The following BUB3 variants were observed in gnomAD, a reference collection of about 807,000 sequenced individuals.
BUB3 encodes the protein mitotic checkpoint protein BUB3.
Under a neutral mutation model 39.9 loss-of-function variants are expected in BUB3, and 22 were observed. The observed-to-expected ratio is 0.55, with a 90% CI of 0.39 to 0.79. The LOEUF (loss-of-function observed/expected upper bound fraction) is 0.79. Among genes scored for constraint, BUB3 ranks in the 30% least tolerant of loss-of-function variants. The pLI, the probability that BUB3 is intolerant of heterozygous loss-of-function variation, is 0.00. For missense variants in BUB3, 303 were observed against 415.4 expected (o/e 0.73, Z 2.35); for synonymous variants, 168 against 155.1 (o/e 1.08, Z -0.62).
chr10:123,155,537 C>G (rs1045866123), intron 2 of BUB3, 121 bp from the exon 3 acceptor site: 1 of 905,528 alleles, frequency 1.1e-6, no homozygotes, highest in Non-Finnish European at 1.7e-6. Context: ...GGTTTGTTTA[C>G]CATGAATAGT....
intron 7 of BUB3, chr10:123,163,264 T>C (rs1844448531): frequency 5.9e-6 from 1 of 169,510 alleles, no homozygotes; most frequent in Non-Finnish European, 1.2e-5. Context: ...CAGGTCTTAT[T>C]GGAAACTCAG....
Position 123,165,195 on chromosome 10 carries a change from A to C in BUB3, c.*1360A>C. 1 of 1,012,412 alleles carries C rather than the reference A, an allele frequency of 9.9e-7. No individual in the cohort carries two copies. Among genetic ancestry groups the C allele is most frequent in the South Asian group, 1.4e-5 (1 of 69,894 alleles). The allele number at this position is 1,012,412 out of a possible 1,614,324, so 62.7% of individuals were successfully genotyped here. ...ACAAGAAACTTGTCTATGTACCTTA[A>C]TACTTTGTTTAGGATGAGGAGTCTT... On this transcript the variant is annotated 3_prime_UTR_variant, in exon 8 of 8. Transcript: ENST00000368865.
chr10:123,155,893 T>G (rs1415888785), intron 3 of BUB3, among the ~76,000 whole-genome samples, 166 bp downstream of exon 3: 2 of 152,262 alleles, frequency 1.3e-5, no homozygotes, highest in African/African-American at 2.4e-5. Context: ...ATTAAGTTAC[T>G]GATTACAGAA....
At chr10:123,161,341 G>A (rs918593268) in intron 5 of BUB3, among the ~76,000 whole-genome samples, 6 of 152,162 alleles carry the variant, frequency 3.9e-5, no homozygotes, top group African/African-American at 1.2e-4. Context: ...AACCTGCAAA[G>A]GCCAGTACCT....
intron 7 of BUB3, chr10:123,163,195 A>G (rs1165632292): frequency 4.6e-6 from 1 of 216,288 alleles, no homozygotes; most frequent in African/African-American, 2.4e-5. Flanking sequence ...TGAACTGCCA[A>G]AAATCTTTCC....
At chr10:123,154,745 T>C in intron 1 of BUB3, 173 bp from the exon 2 acceptor site, 2 of 674,474 alleles carry the variant, frequency 3.0e-6, no homozygotes, top group Non-Finnish European at 4.7e-6. Flanking sequence ...GGGGGCCGGA[T>C]GATGGGGCGA....
At position 123,163,967 on chromosome 10, in the gene BUB3, G is replaced by A. The variant is rs1000612064; in HGVS notation, c.*132G>A. The A allele has an allele frequency of 9.8e-6, 13 of 1,320,170 alleles. No individual in the cohort carries two copies. In the African/African-American group the frequency reaches 2.0e-4, roughly 20 times the overall value. The allele number at this position is 1,320,170 out of a possible 1,614,324, so 81.8% of individuals were successfully genotyped here. A position where few individuals can be genotyped will look rare whatever the true frequency, so the allele number is the denominator to read the frequency against. ...ATATTATAACAACCTGAAAATAATG[G>A]AAAAGAGGTTTTTGAATTTTTTTTT... On this transcript the variant is annotated 3_prime_UTR_variant, in exon 8 of 8. Coordinates refer to ENST00000368865, the MANE Select transcript of BUB3 (RefSeq NM_004725.4).
Position 123,165,128 on chromosome 10 carries a change from G to C in BUB3, c.*1293G>C, listed in dbSNP as rs1844473310. 6.6e-7 allele frequency: 1 copy of C among 1,514,834 alleles called. No homozygotes were observed. The highest frequency in any genetic ancestry group is 9.1e-7 in the Non-Finnish European group (1 of 1,095,086). 93.8% of individuals were successfully genotyped at this position (1,514,834 alleles called of 1,614,324 possible). A position where few individuals can be genotyped will look rare whatever the true frequency, so the allele number is the denominator to read the frequency against. On this transcript the variant is annotated 3_prime_UTR_variant, in exon 8 of 8. Transcript: ENST00000368865. ...TACAAATACATGCTTATTCCTTAAG[G>C]GATGTGTTAGAGTTACTGTGGATTT...
rs1176085701 is a variant in BUB3 at position 123,168,454 on chromosome 10, G to A, written c.*4619G>A. On this transcript the variant is annotated 3_prime_UTR_variant, in exon 8 of 8. Transcript: ENST00000368865. Reference sequence around the variant, plus strand: ...AGAAGTCATCCTCTAGAGCAAGCTTGTCCAATTTGTTGTCCATGGGCCACA... The same window carrying A: ...AGAAGTCATCCTCTAGAGCAAGCTTATCCAATTTGTTGTCCATGGGCCACA... The A allele has an allele frequency of 6.6e-6, 1 of 152,206 alleles. No individual in the cohort carries two copies. Among genetic ancestry groups the A allele is most frequent in the Non-Finnish European group, 1.5e-5 (1 of 68,044 alleles). The allele number at this position is 152,206 out of a possible 1,614,324, so 9.4% of individuals were successfully genotyped here.
At chr10:123,159,529 C>T (rs1261308438) in intron 4 of BUB3, among the ~76,000 whole-genome samples, 4 of 152,164 alleles carry the variant, frequency 2.6e-5, no homozygotes, top group South Asian at 2.1e-4. Context: ...TTTTTGCCAC[C>T]TTTTTAATGA....
rs1365932905 is a variant in BUB3 at position 123,164,004 on chromosome 10, CCTT to C, written c.*173_*175del. ...TTGAATTTTTTTTTTTAAATAAACA[CCTT>C]CTTAAGTGCATGAGATGGTTTGATG... is the stretch of plus-strand genomic sequence containing the variant. On this transcript the variant is annotated 3_prime_UTR_variant, in exon 8 of 8. Transcript: ENST00000368865. The C allele has an allele frequency of 4.5e-6, 6 of 1,320,606 alleles. No individual in the cohort carries two copies. Among genetic ancestry groups the C allele is most frequent in the East Asian group, 3.0e-5 (1 of 33,516 alleles). The allele number at this position is 1,320,606 out of a possible 1,614,324, so 81.8% of individuals were successfully genotyped here.
In BUB3 at chr10:123,164,229, T is replaced by C. The variant is rs1019404271; in HGVS notation, c.*394T>C. Reference sequence around the variant, plus strand: ...AAAAGGCTCGTGAGCCATTTGTTTCTTTTGCTGGTTATAGTTGCTAATTCT... The same window carrying C: ...AAAAGGCTCGTGAGCCATTTGTTTCCTTTGCTGGTTATAGTTGCTAATTCT... On this transcript the variant is annotated 3_prime_UTR_variant, in exon 8 of 8. Coordinates refer to ENST00000368865, the MANE Select transcript of BUB3 (RefSeq NM_004725.4). 1 of 992,402 alleles carries C rather than the reference T, an allele frequency of 1.0e-6. No homozygotes were observed. Among genetic ancestry groups the C allele is most frequent in the African/African-American group, 1.7e-5 (1 of 57,430 alleles). The allele number at this position is 992,402 out of a possible 1,614,324, so 61.5% of individuals were successfully genotyped here.
intron 5 of BUB3, 30 bp from the exon 6 acceptor site, chr10:123,162,206 C>G: frequency 1.3e-6 from 2 of 1,585,932 alleles, no homozygotes; most frequent in Non-Finnish European, 1.7e-6. Flanking sequence ...TGGAATTTAC[C>G]ATTTTTTTCC....
At chr10:123,154,766 T>C in intron 1 of BUB3, 152 bp from the exon 2 acceptor site, 1 of 812,106 alleles carries the variant, frequency 1.2e-6, no homozygotes, top group Non-Finnish European at 1.9e-6. Flanking sequence ...GTCCGGACCT[T>C]GGCGGGCGAG....
At position 123,166,265 on chromosome 10, in the gene BUB3, T is replaced by C. The variant is rs957090707; in HGVS notation, c.*2430T>C. Reference sequence around the variant, plus strand: ...CATCCCAGGGCCTTTTGGGTGAATGTGGCAGCCTCCAATTTCTGCCTTAAG... The same window carrying C: ...CATCCCAGGGCCTTTTGGGTGAATGCGGCAGCCTCCAATTTCTGCCTTAAG... On this transcript the variant is annotated 3_prime_UTR_variant, in exon 8 of 8. Coordinates refer to ENST00000368865, the MANE Select transcript of BUB3 (RefSeq NM_004725.4). 1 of 152,250 alleles carries C rather than the reference T, an allele frequency of 6.6e-6. No homozygotes were observed. Among genetic ancestry groups the C allele is most frequent in the Non-Finnish European group, 1.5e-5 (1 of 68,064 alleles). The allele number at this position is 152,250 out of a possible 1,614,324, so 9.4% of individuals were successfully genotyped here.
intron 6 of BUB3, 92 bp from the exon 7 acceptor site, chr10:123,162,520 C>T: frequency 6.5e-7 from 1 of 1,548,666 alleles, no homozygotes; most frequent in Non-Finnish European, 8.8e-7. Context: ...GGAAATGTAA[C>T]TTCTATGACC....
At chr10:123,158,400 A>T (rs183741192) in intron 4 of BUB3, among the ~76,000 whole-genome samples, 263 of 152,342 alleles carry the variant, frequency 1.7e-3, no homozygotes, top group African/African-American at 6.0e-3. Flanking sequence ...GTTTCAAGGC[A>T]CCTTAGTGAA....
Position 123,155,029 on chromosome 10 carries a change from T to G in BUB3, c.112T>G (p.Ser38Ala). 6.2e-7 allele frequency: 1 copy of G among 1,614,176 alleles called. No homozygotes were observed. Residue 38 changes from serine to alanine, a missense_variant, in exon 2 of 8, where the codon TCC becomes GCC. Ser to Ala is a moderately conservative substitution (Grantham distance 99, BLOSUM62 1). Around this residue, in one of 2 missense-constraint regions of BUB3, gnomAD observed 121 missense variants for 122.3 expected, o/e 0.99. Transcript: ENST00000368865. ...CCTGCTTGTCTCCTCCTGGGACACG[T>G]CCGTGCGTCTCTACGATGTGCCGGC... The part of the protein sequence containing the change: ...QFLLVSSWDT[S>A]VRLYDVPANS...
chr10:123,163,089 T>A, intron 7 of BUB3: 1 of 422,922 alleles, frequency 2.4e-6, no homozygotes, highest in East Asian at 4.8e-5. Flanking sequence ...ATTATTTGAA[T>A]CTCTGGAGTT....
Sources: allele counts gnomAD v4.1 joint callset (sites outside exome capture counted in the v4.1 genomes callset), GRCh38; gene constraint gnomAD v4.1.1; regional missense constraint gnomAD v4.1.1; transcripts MANE v1.5; gene names NCBI Gene and HGNC (gene_info 2026-07-23, HGNC 2026-07-21).